DPH6: variants seen among roughly 807,000 people sequenced by gnomAD.
DPH6 encodes the protein diphthine--ammonia ligase.
Under a neutral mutation model 38.2 loss-of-function variants are expected in DPH6, and 33 were observed. The ratio of observed to expected loss-of-function variants is 0.86; its 90% CI spans 0.65 to 1.15. DPH6 has a LOEUF of 1.15. Among genes scored for constraint, DPH6 ranks in the 50% most tolerant of loss-of-function variants. DPH6 has a pLI of 0.00. For synonymous variants in DPH6, 108 were observed against 103.0 expected, an observed-to-expected ratio of 1.05 and a Z score of -0.30; for missense variants, 325 against 320.0, an observed-to-expected ratio of 1.02 and a Z score of -0.12.
intron 6 of DPH6, among the ~76,000 whole-genome samples, chr15:35,396,630 T>C (rs1195811497): frequency 6.6e-6 from 1 of 152,218 alleles, no homozygotes; most frequent in Non-Finnish European, 1.5e-5. Context: ...TGAAATTCTG[T>C]GATACATGAT....
At chr15:35,233,913 T>C (rs961573202) in intron 3 of DPH6, among the ~76,000 whole-genome samples, 3 of 152,244 alleles carry the variant, frequency 2.0e-5, no homozygotes, top group African/African-American at 7.2e-5. Context: ...TTCAGATAAA[T>C]GCTCTGCTTC....
intron 3 of DPH6, among the ~76,000 whole-genome samples, chr15:35,307,893 T>C (rs1263262674): frequency 1.3e-5 from 2 of 152,164 alleles, no homozygotes; most frequent in African/African-American, 2.4e-5. Flanking sequence ...ACAAAATATA[T>C]AGATATGTGA....
At chr15:35,405,345 T>A (rs566979382) in intron 6 of DPH6, among the ~76,000 whole-genome samples, 1 of 152,260 alleles carries the variant, frequency 6.6e-6, no homozygotes, top group African/African-American at 2.4e-5. Flanking sequence ...TCCATGAACA[T>A]AGAATGTCTT....
chr15:35,218,984 G>A (rs929653615), exon 4 of DPH6: 2 of 152,132 alleles, frequency 1.3e-5, no homozygotes, highest in African/African-American at 4.8e-5. Flanking sequence ...TAGGATTCCA[G>A]AGGCATACAG....
intron 3 of DPH6, among the ~76,000 whole-genome samples, chr15:35,268,213 A>C (rs2140424503): frequency 6.8e-6 from 1 of 147,206 alleles, no homozygotes; most frequent in Non-Finnish European, 1.5e-5. Flanking sequence ...ATAAATAAAT[A>C]AATAAAAGAA....
chr15:35,483,572 A>G (rs898030233), intron 3 of DPH6, among the ~76,000 whole-genome samples: 2 of 152,208 alleles, frequency 1.3e-5, no homozygotes, highest in African/African-American at 4.8e-5. Context: ...AGTGAAGATA[A>G]TGGGAGGAAA....
rs540507207 is a variant in DPH6, at chr15:35,539,970, A to G, written c.119-1503T>C. Among the ~76,000 whole-genome samples, 675 of 152,130 alleles carry G rather than the reference A, an allele frequency of 4.4e-3. 2 individuals are homozygous for G. The highest frequency in any genetic ancestry group is 7.5e-3 in the Non-Finnish European group (508 of 67,934). ...GAGAACATAGCCAAAGTTACCTAAA[A>G]ACCTTTCGGCCTTCTCTCGTCTCAA... On this transcript the variant is annotated intron_variant, in intron 2 of 8. Coordinates refer to ENST00000256538, the MANE Select transcript of DPH6 (RefSeq NM_080650.4).
At chr15:35,344,111 A>G (rs1595490407) in intron 3 of DPH6, among the ~76,000 whole-genome samples, 1 of 152,028 alleles carries the variant, frequency 6.6e-6, no homozygotes, top group Non-Finnish European at 1.5e-5. Context: ...TTGAAACATC[A>G]AGTCTATGTT....
At chr15:35,391,190 C>G (rs181772455) in intron 6 of DPH6, among the ~76,000 whole-genome samples, 2 of 152,138 alleles carry the variant, frequency 1.3e-5, no homozygotes, top group Non-Finnish European at 2.9e-5. Flanking sequence ...GCTGCCTGAT[C>G]GGTCCTCTGG....
chr15:35,202,677 T>C, the DPH6 span, among the ~76,000 whole-genome samples: 1 of 151,820 alleles, frequency 6.6e-6, no homozygotes, highest in Non-Finnish European at 1.5e-5. Context: ...ATGAATTTTA[T>C]TGACACTAGC....
the DPH6 span, among the ~76,000 whole-genome samples, chr15:35,195,121 A>G: frequency 6.6e-6 from 1 of 152,114 alleles, no homozygotes; most frequent in South Asian, 2.1e-4. Flanking sequence ...GTCTATCCTC[A>G]GGGAATCCAT....
intron 3 of DPH6, among the ~76,000 whole-genome samples, chr15:35,312,306 C>A (rs1401161587): frequency 1.3e-5 from 2 of 152,100 alleles, no homozygotes; most frequent in Admixed American, 6.5e-5. Context: ...GGCAGAAAGC[C>A]AGTGAAGGAC....
At chr15:35,505,680 G>A (rs1443823) in intron 3 of DPH6, among the ~76,000 whole-genome samples, 95,491 of 151,710 alleles carry the variant, frequency 0.63, 33,651 homozygotes, top group South Asian at 0.82. Flanking sequence ...CTTTTAATAC[G>A]TGTAATGAAA....
intron 3 of DPH6, among the ~76,000 whole-genome samples, chr15:35,345,200 T>TA (rs1289048554): frequency 2.0e-5 from 3 of 151,864 alleles, no homozygotes; most frequent in Non-Finnish European, 4.4e-5. Context: ...TATACACAGA[T>TA]AAAATTAATT....
At chr15:35,452,385 G>C (rs2053946604) in intron 4 of DPH6, among the ~76,000 whole-genome samples, 1 of 152,056 alleles carries the variant, frequency 6.6e-6, no homozygotes, top group African/African-American at 2.4e-5. Flanking sequence ...TTCAAACCAA[G>C]AATATAGCTC....
chr15:35,502,191 A>T (rs1349130131), intron 3 of DPH6, among the ~76,000 whole-genome samples: 1 of 152,106 alleles, frequency 6.6e-6, no homozygotes. Flanking sequence ...GCACCCAGAC[A>T]TCACAGGAAT....
intron 5 of DPH6, among the ~76,000 whole-genome samples, chr15:35,413,078 T>G (rs1171443877): frequency 6.6e-6 from 1 of 151,548 alleles, no homozygotes; most frequent in Non-Finnish European, 1.5e-5. Context: ...TCATGCGGTA[T>G]GGGGTCAGGG....
In DPH6 at chr15:35,242,424, G is replaced by A. The variant is rs576382063; in HGVS notation, n.201-21842C>T. Among the ~76,000 whole-genome samples, 8 of 142,942 alleles carry A rather than the reference G, an allele frequency of 5.6e-5. 1 individual carries two copies. Among genetic ancestry groups the A allele is most frequent in the South Asian group, 2.4e-4 (1 of 4,122 alleles). The allele number at this position is 142,942 out of a possible 152,430, so 93.8% of individuals were successfully genotyped here. A position where few individuals can be genotyped will look rare whatever the true frequency, so the allele number is the denominator to read the frequency against. On this transcript the variant is annotated intron_variant and non_coding_transcript_variant, in intron 3 of 3. Coordinates refer to the DPH6 transcript ENST00000560386. Reference sequence around the variant, plus strand: ...CCTAGCCCTCATGTCTGCCTGCAGCGGCTGCCGCTGCTTTAATACTTTTAG... The same window carrying A: ...CCTAGCCCTCATGTCTGCCTGCAGCAGCTGCCGCTGCTTTAATACTTTTAG...
chr15:35,291,002 A>G (rs1394191430), intron 3 of DPH6, among the ~76,000 whole-genome samples: 2 of 152,062 alleles, frequency 1.3e-5, no homozygotes, highest in Non-Finnish European at 2.9e-5. Flanking sequence ...CCTAGGCTCC[A>G]AAACCATTAG....
Sources: gnomAD v4.1 joint callset for allele counts (sites outside exome capture counted in the v4.1 genomes callset) on GRCh38, gnomAD v4.1.1 for gene constraint, MANE v1.5 for transcripts, NCBI Gene and HGNC (gene_info 2026-07-23, HGNC 2026-07-21) for gene names.